CHD7: variants seen among roughly 807,000 people sequenced by gnomAD.
CHD7 encodes chromodomain helicase DNA binding protein 7.
In CHD7, 24 loss-of-function variants were observed where a neutral mutation model predicts 307.3. The ratio of observed to expected loss-of-function variants is 0.08; its 90% CI spans 0.06 to 0.11. The LOEUF is 0.11. Among genes scored for constraint, CHD7 ranks in the 10% least tolerant of loss-of-function variants. CHD7 has a pLI of 1.00. For synonymous variants in CHD7, 1,363 were observed against 1,349.9 expected (o/e 1.01, Z -0.21); for missense variants, 3,106 against 3,727.1 (o/e 0.83, Z 4.34).
intron 2 of CHD7, among the ~76,000 whole-genome samples, chr8:60,765,762 A>G (rs1810444710): frequency 6.6e-6 from 1 of 152,248 alleles, no homozygotes; most frequent in Admixed American, 6.5e-5. Flanking sequence ...TGTGGTTCAC[A>G]GGGAATCACC....
intron 37 of CHD7, chr8:60,863,563 T>G (rs1359780428): frequency 1.3e-5 from 2 of 152,120 alleles, no homozygotes; most frequent in Non-Finnish European, 2.9e-5. Context: ...GAACATAAGT[T>G]TTCATTTTTC....
rs1320946658 is a variant in CHD7, at chr8:60,865,871, G to A, written c.8932G>A (p.Gly2978Ser). The stretch of plus-strand genomic sequence containing the variant: ...CCTCTTAGAAGACGAAATAGCACAG[G>A]GTGAAGAGCTAGACTCACTTGATGG... ...SSLLEDEIAQ[G>S]EELDSLDGGD... is the part of the protein sequence containing the mutation. Residue 2978 changes from glycine (G) to serine (S), a missense_variant, in exon 38 of 38, where the codon GGT becomes AGT. This residue lies in a region of CHD7 where 351 missense variants were observed against 366.2 expected (regional missense o/e 0.96). Transcript: ENST00000423902. This position sits in a 1 kb window ranked among gnomAD's most constrained non-coding sequence, Gnocchi z 4.3. 1.9e-6 allele frequency: 3 copies of A among 1,612,024 alleles called. No homozygotes were observed. The highest frequency in any genetic ancestry group is 2.5e-6 in the Non-Finnish European group (3 of 1,179,032).
At chr8:60,714,559 C>A (rs1237319861) in intron 1 of CHD7, among the ~76,000 whole-genome samples, 1 of 152,226 alleles carries the variant, frequency 6.6e-6, no homozygotes, top group Non-Finnish European at 1.5e-5. Flanking sequence ...CAGCCCTCAG[C>A]CCTCCTGGCC....
At chr8:60,818,021 T>A (rs1039064833) in intron 8 of CHD7, among the ~76,000 whole-genome samples, 1 of 152,230 alleles carries the variant, frequency 6.6e-6, no homozygotes, top group Non-Finnish European at 1.5e-5. Flanking sequence ...CAAGGTTGAA[T>A]GTACATTATT....
In CHD7 at chr8:60,840,625, C is replaced by CTT. The variant is rs59584670; in HGVS notation, c.4534-1008_4534-1007dup. Among the ~76,000 whole-genome samples, 660 of 145,934 alleles carry CTT rather than the reference C, an allele frequency of 4.5e-3. 4 individuals carry two copies. Among genetic ancestry groups the CTT allele is most frequent in the Middle Eastern group, 7.0e-3 (2 of 286 alleles). The stretch of plus-strand genomic sequence containing the variant: ...ATTTTACCTTTTAAAGAATATGTTT[C>CTT]TTTTTTTTTTTTGACAGAGTCTTGC... On this transcript the variant is annotated intron_variant, in intron 19 of 37. Transcript: ENST00000423902.
chr8:60,724,793 A>G (rs1020411118), intron 1 of CHD7, among the ~76,000 whole-genome samples: 1 of 152,238 alleles, frequency 6.6e-6, no homozygotes, highest in African/African-American at 2.4e-5. Flanking sequence ...TTTAACATTT[A>G]TAAACTTAAT....
intron 27 of CHD7, 38 bp from the exon 28 acceptor site, chr8:60,851,224 C>A: frequency 6.5e-7 from 1 of 1,537,776 alleles, no homozygotes; most frequent in South Asian, 1.2e-5. Context: ...AATGAGACCC[C>A]AAATTAAAGT....
At chr8:60,809,668 GAAAAAAAAAAAAAA>G (rs36108691) in intron 7 of CHD7, 3 of 96,340 alleles carry the variant, frequency 3.1e-5, no homozygotes, top group South Asian at 3.5e-4. Context: ...AGGGAGTTTT[GAAAAAAAAAAAAAA>G]AAAAAAAAAA....
intron 2 of CHD7, among the ~76,000 whole-genome samples, chr8:60,770,832 A>T (rs1810673774): frequency 6.6e-6 from 1 of 152,134 alleles, no homozygotes; most frequent in Non-Finnish European, 1.5e-5. Flanking sequence ...CTGTTACCTT[A>T]CACCAAGTTC....
rs756704356 is a variant in CHD7 at position 60,743,074 on chromosome 8, C to T, written c.1642C>T (p.Pro548Ser). ...GCTCCACCCATCACCCCAGAACACC[C>T]CGCAGAAAGTGCCTGTGCATCAGGT... ...AQLHPSPQNT[P>S]QKVPVHQHSP... Residue 548 changes from proline (P) to serine (S), a missense_variant, in exon 2 of 38, where the codon CCG becomes TCG. Transcript: ENST00000423902. 1 of 1,613,758 alleles carries T rather than the reference C, an allele frequency of 6.2e-7. No individual in the cohort carries two copies. Among genetic ancestry groups the T allele is most frequent in the Non-Finnish European group, 8.5e-7 (1 of 1,179,804 alleles).
intron 19 of CHD7, among the ~76,000 whole-genome samples, chr8:60,840,649 G>A (rs1408320838): frequency 1.4e-5 from 2 of 144,570 alleles, no homozygotes; most frequent in African/African-American, 5.1e-5. Context: ...ACAGAGTCTT[G>A]CTCTGTTGCC....
intron 15 of CHD7, 68 bp downstream of exon 15, chr8:60,830,645 C>A (rs1032630754): frequency 1.3e-6 from 2 of 1,549,542 alleles, no homozygotes; most frequent in Non-Finnish European, 1.8e-6. Flanking sequence ...TTTCTGCCCC[C>A]AGACTGGGGA....
intron 2 of CHD7, among the ~76,000 whole-genome samples, chr8:60,748,106 T>C (rs979553029): frequency 6.6e-6 from 1 of 152,174 alleles, no homozygotes; most frequent in African/African-American, 2.4e-5. Context: ...ACAATCTTGC[T>C]GTGTGAGCAG....
At chr8:60,731,647 T>A (rs1428836381) in intron 1 of CHD7, among the ~76,000 whole-genome samples, 1 of 152,252 alleles carries the variant, frequency 6.6e-6, no homozygotes, top group African/African-American at 2.4e-5. Context: ...TCCATCTCCT[T>A]TGTCAAATAT....
intron 36 of CHD7, 51 bp downstream of exon 36, chr8:60,862,387 G>C (rs1295799870): frequency 6.4e-7 from 1 of 1,560,724 alleles, no homozygotes; most frequent in Admixed American, 1.9e-5. Flanking sequence ...TAGCCCAGAA[G>C]GAAGTGTTTT....
At chr8:60,836,758 A>G (rs1586417537) in intron 16 of CHD7, 59 bp from the exon 17 acceptor site, 2 of 1,227,034 alleles carry the variant, frequency 1.6e-6, no homozygotes, top group East Asian at 2.4e-5. Flanking sequence ...AATTAAAAAA[A>G]GGAGCAAGTA....
intron 1 of CHD7, among the ~76,000 whole-genome samples, chr8:60,719,164 A>T (rs976272382): frequency 6.6e-6 from 1 of 152,240 alleles, no homozygotes; most frequent in African/African-American, 2.4e-5. Context: ...CTAAACTGAC[A>T]CTTGAGTGAT....
chr8:60,731,369 TA>T (rs766583499), intron 1 of CHD7, among the ~76,000 whole-genome samples: 121 of 152,338 alleles, frequency 7.9e-4, no homozygotes, highest in Middle Eastern at 6.8e-3. Context: ...CTGCAAAAGT[TA>T]CAGTCACAGT....
At chr8:60,752,786 T>C (rs1281655070) in intron 2 of CHD7, among the ~76,000 whole-genome samples, 2 of 152,246 alleles carry the variant, frequency 1.3e-5, no homozygotes, top group Admixed American at 1.3e-4. Flanking sequence ...TTCACTGTTA[T>C]TTTTAAAAAC....
Sources: allele counts gnomAD v4.1 joint callset (sites outside exome capture counted in the v4.1 genomes callset), GRCh38; gene constraint gnomAD v4.1.1; regional missense constraint gnomAD v4.1.1; non-coding constraint Gnocchi (gnomAD v3.1); transcripts MANE v1.5; gene names NCBI Gene and HGNC (gene_info 2026-07-23, HGNC 2026-07-21).